CRTC3: variants seen among roughly 807,000 people sequenced by gnomAD.
CRTC3 encodes CREB-regulated transcription coactivator 3.
Under a neutral mutation model 74.5 loss-of-function variants are expected in CRTC3, and 26 were observed. That is an observed-to-expected ratio of 0.35 (90% CI 0.26 to 0.48). The LOEUF (loss-of-function observed/expected upper bound fraction) is 0.48, where lower values mean the gene tolerates loss of function less well. CRTC3 is among the 20% of genes least tolerant of loss of function. The pLI is 0.99. For missense variants in CRTC3, 760 were observed against 787.3 expected (o/e 0.97, Z 0.41); for synonymous variants, 377 against 325.8 (o/e 1.16, Z -1.69).
intron 2 of CRTC3, among the ~76,000 whole-genome samples, chr15:90,565,094 G>C (rs1967095185): frequency 6.6e-6 from 1 of 152,146 alleles, no homozygotes; most frequent in Non-Finnish European, 1.5e-5. Context: ...AGACATGCGT[G>C]ACCACGCTGG....
At position 90,631,726 on chromosome 15, in the gene CRTC3, C is replaced by CAAA. The variant is rs71463748; in HGVS notation, c.1266+2207_1266+2209dup. ...CCTGGGTGACAGAGTTACTCTGTCT[C>CAAA]AAAAAAAAAAAAAAATTAGAATTAA... is the stretch of plus-strand genomic sequence containing the variant. On this transcript the variant is annotated intron_variant, in intron 11 of 14. Transcript: ENST00000268184. 6.2e-3 allele frequency among the ~76,000 whole-genome samples: 681 copies of CAAA among 110,022 alleles called. 8 individuals carry two copies. The highest frequency in any genetic ancestry group is 0.041 in the East Asian group (162 of 3,982). The allele number at this position is 110,022 out of a possible 152,430, so 72.2% of individuals were successfully genotyped here.
intron 5 of CRTC3, among the ~76,000 whole-genome samples, chr15:90,605,803 C>T (rs1372241482): frequency 2.0e-5 from 3 of 152,204 alleles, no homozygotes; most frequent in African/African-American, 7.2e-5. Context: ...ACCGTAAAGT[C>T]CTTTCTATGG....
At position 90,552,805 on chromosome 15, in the gene CRTC3, C is replaced by T. The variant is rs542485283; in HGVS notation, c.231+12668C>T. On this transcript the variant is annotated intron_variant, in intron 2 of 14. Transcript: ENST00000268184. ...TAAGGGAACTGGGGTGTAAAGAAAACTGATTCCTTCCCAAGCATCTAACTA... is the reference window on the plus strand; with the variant it reads ...TAAGGGAACTGGGGTGTAAAGAAAATTGATTCCTTCCCAAGCATCTAACTA... Among the ~76,000 whole-genome samples the T allele has an allele frequency of 1.1e-4, 16 of 152,318 alleles. No individual in the cohort carries two copies. In the South Asian group the frequency reaches 3.1e-3, roughly 30 times the overall value.
intron 2 of CRTC3, among the ~76,000 whole-genome samples, chr15:90,581,618 A>G (rs1225494857): frequency 6.6e-6 from 1 of 152,234 alleles, no homozygotes; most frequent in Non-Finnish European, 1.5e-5. Context: ...TTAAAAAATC[A>G]AACTTGTTAT....
chr15:90,531,554 T>G (rs7496461), intron 1 of CRTC3, among the ~76,000 whole-genome samples: 91,743 of 151,806 alleles, frequency 0.6, 28,922 homozygotes, highest in Non-Finnish European at 0.7. Flanking sequence ...AATATATATA[T>G]AGAGAGAAAG....
intron 2 of CRTC3, among the ~76,000 whole-genome samples, chr15:90,560,743 G>A (rs1352677890): frequency 6.6e-6 from 1 of 152,188 alleles, no homozygotes; most frequent in Admixed American, 6.5e-5. Flanking sequence ...GGTCCTGTTT[G>A]AGTCTGAACA....
At chr15:90,624,783 TG>T (rs11289817) in intron 9 of CRTC3, 2,992 of 152,424 alleles carry the variant, frequency 0.02, 115 homozygotes, top group African/African-American at 0.068. Context: ...GGCCCCTCCC[TG>T]GGGCCCCGCC....
chr15:90,635,732 C>T (rs1021160707), intron 11 of CRTC3, among the ~76,000 whole-genome samples: 16 of 151,578 alleles, frequency 1.1e-4, no homozygotes, highest in African/African-American at 2.9e-4. Context: ...TGTCGCACCT[C>T]GGCATATCAG....
chr15:90,539,890 G>C, intron 1 of CRTC3, 149 bp from the exon 2 acceptor site: 2 of 643,948 alleles, frequency 3.1e-6, no homozygotes, highest in East Asian at 5.7e-5. Context: ...GAAAGCACCG[G>C]AAACCTTGAG....
At position 90,549,198 on chromosome 15, in the gene CRTC3, C is replaced by G. The variant is rs74251759; in HGVS notation, c.231+9061C>G. ...TCAATGGTTTTCAGAAACAGTATTTCTAGTGACTACATGCTATTCTGTCAC... is the reference window on the plus strand; with the variant it reads ...TCAATGGTTTTCAGAAACAGTATTTGTAGTGACTACATGCTATTCTGTCAC... On this transcript the variant is annotated intron_variant, in intron 2 of 14. Transcript: ENST00000268184. Among the ~76,000 whole-genome samples, 55 of 152,176 alleles carry G rather than the reference C, an allele frequency of 3.6e-4. No individual in the cohort carries two copies. The East Asian group carries it at 8.5e-3, about 23-fold the overall frequency.
intron 2 of CRTC3, among the ~76,000 whole-genome samples, chr15:90,578,216 C>T (rs750369934): frequency 2.6e-5 from 4 of 152,026 alleles, no homozygotes; most frequent in African/African-American, 9.7e-5. Flanking sequence ...CGCACCTGGC[C>T]AAATGTATTT....
At chr15:90,629,208 T>A (rs1968945792) in intron 10 of CRTC3, 26 bp from the exon 11 acceptor site, 1 of 1,595,004 alleles carries the variant, frequency 6.3e-7, no homozygotes, top group Admixed American at 1.7e-5. Context: ...AAATTATAAG[T>A]AACTTGTGAA....
intron 2 of CRTC3, among the ~76,000 whole-genome samples, chr15:90,580,416 T>C (rs1291523810): frequency 2.0e-5 from 3 of 151,578 alleles, no homozygotes; most frequent in African/African-American, 7.3e-5. Flanking sequence ...CGCTGGTTTT[T>C]CTTCTTCTTC....
intron 11 of CRTC3, among the ~76,000 whole-genome samples, chr15:90,632,372 G>A (rs1969070742): frequency 6.6e-6 from 1 of 152,150 alleles, no homozygotes; most frequent in African/African-American, 2.4e-5. Context: ...GAGACTGGAG[G>A]ATTGCTTAAG....
chr15:90,541,221 G>A (rs745363602), intron 2 of CRTC3, among the ~76,000 whole-genome samples: 4 of 152,146 alleles, frequency 2.6e-5, no homozygotes, highest in Non-Finnish European at 4.4e-5. Context: ...TTTAAGATTC[G>A]GTGTTAAAGT....
intron 10 of CRTC3, 74 bp from the exon 11 acceptor site, chr15:90,629,160 G>A (rs1968943545): frequency 7.0e-7 from 1 of 1,430,780 alleles, no homozygotes; most frequent in Admixed American, 2.0e-5. Flanking sequence ...ACAGTAGACA[G>A]TTTTCTTTCA....
intron 2 of CRTC3, among the ~76,000 whole-genome samples, chr15:90,549,014 T>G (rs907971053): frequency 6.6e-6 from 1 of 152,242 alleles, no homozygotes; most frequent in Admixed American, 6.5e-5. Context: ...ATACTTCTTT[T>G]TCTGATTATA....
At chr15:90,574,168 C>G (rs960917364) in intron 2 of CRTC3, among the ~76,000 whole-genome samples, 11 of 152,074 alleles carry the variant, frequency 7.2e-5, no homozygotes, top group Non-Finnish European at 1.5e-4. Context: ...AAGTAATTTA[C>G]AGATTTTAAA....
In CRTC3 at chr15:90,642,388, A is replaced by G. The variant is rs564823293; in HGVS notation, c.*248A>G. The G allele has an allele frequency of 1.7e-5, 9 of 538,822 alleles. No homozygotes were observed. The highest frequency in any genetic ancestry group is 1.3e-4 in the South Asian group (6 of 47,646). The allele number at this position is 538,822 out of a possible 1,614,324, so 33.4% of individuals were successfully genotyped here. On this transcript the variant is annotated 3_prime_UTR_variant, in exon 15 of 15. Coordinates refer to ENST00000268184, the MANE Select transcript of CRTC3 (RefSeq NM_022769.5). ...GCAGGCAGGCTGCTTGGAGCTTCCC[A>G]TGAACTGGAAAGCTCACCTCCACTG...
Sources: gnomAD v4.1 joint callset for allele counts (sites outside exome capture counted in the v4.1 genomes callset) on GRCh38, gnomAD v4.1.1 for gene constraint, MANE v1.5 for transcripts, NCBI Gene and HGNC (gene_info 2026-07-23, HGNC 2026-07-21) for gene names.